GTF2E2: variants seen among roughly 807,000 people sequenced by gnomAD.
GTF2E2 encodes the protein transcription initiation factor IIE subunit beta.
In GTF2E2, 21 loss-of-function variants were observed where a neutral mutation model predicts 40.5. The observed-to-expected ratio is 0.52, with a 90% CI of 0.37 to 0.75. The LOEUF (loss-of-function observed/expected upper bound fraction) is 0.75. Ranked by LOEUF, GTF2E2 falls within the 30% of genes least tolerant of loss-of-function variation. The pLI, the probability that GTF2E2 is intolerant of heterozygous loss-of-function variation, is 0.00. For synonymous variants in GTF2E2, 117 were observed against 121.6 expected (o/e 0.96, Z 0.25); for missense variants, 298 against 338.4 (o/e 0.88, Z 0.94).
chr8:30,656,550 T>C (rs1802454527), intron 1 of GTF2E2, among the ~76,000 whole-genome samples: 1 of 152,200 alleles, frequency 6.6e-6, no homozygotes, highest in African/African-American at 2.4e-5. Context: ...GGCTCACGCC[T>C]GTAATCCCAG....
At chr8:30,592,831 T>C (rs1828889216) in intron 6 of GTF2E2, among the ~76,000 whole-genome samples, 1 of 152,232 alleles carries the variant, frequency 6.6e-6, no homozygotes, top group African/African-American at 2.4e-5. Context: ...CTTTCAATTC[T>C]TTCAAATACA....
At chr8:30,593,228 G>A (rs1828899890) in intron 6 of GTF2E2, among the ~76,000 whole-genome samples, 1 of 152,110 alleles carries the variant, frequency 6.6e-6, no homozygotes, top group African/African-American at 2.4e-5. Flanking sequence ...ACAGTATTCT[G>A]CTGCTGCAGG....
chr8:30,594,863 A>G (rs911674760), intron 6 of GTF2E2, among the ~76,000 whole-genome samples: 2 of 152,024 alleles, frequency 1.3e-5, no homozygotes, highest in African/African-American at 4.8e-5. Flanking sequence ...ATCTCAAAAA[A>G]AAAAAAAAAA....
intron 3 of GTF2E2, among the ~76,000 whole-genome samples, chr8:30,620,261 C>A (rs201085189): frequency 4.2e-5 from 6 of 143,080 alleles, no homozygotes; most frequent in Middle Eastern, 3.8e-3. Flanking sequence ...CACACACAAA[C>A]ACACACACAC....
intron 6 of GTF2E2, among the ~76,000 whole-genome samples, chr8:30,587,871 T>TTA (rs146064074): frequency 2.8e-4 from 29 of 105,036 alleles, no homozygotes; most frequent in Admixed American, 5.7e-4. Context: ...GACTCCGTCT[T>TTA]AAAAAAAAAA....
chr8:30,604,516 C>T (rs1829266724), intron 6 of GTF2E2, among the ~76,000 whole-genome samples: 2 of 152,166 alleles, frequency 1.3e-5, no homozygotes, highest in African/African-American at 4.8e-5. Context: ...ACTCATTAAT[C>T]AGGTACACAC....
intron 2 of GTF2E2, among the ~76,000 whole-genome samples, chr8:30,642,793 CAGA>C (rs949093994): frequency 1.3e-5 from 2 of 152,132 alleles, no homozygotes; most frequent in African/African-American, 4.8e-5. Flanking sequence ...TTAATTTAAC[CAGA>C]AGAATAGCTC....
intron 2 of GTF2E2, chr8:30,645,847 A>G (rs922254147): frequency 2.1e-5 from 8 of 381,718 alleles, no homozygotes; most frequent in Non-Finnish European, 3.7e-5. Flanking sequence ...AAACTGGATA[A>G]AAGATTCCTA....
chr8:30,638,985 T>C (rs1184055618), intron 2 of GTF2E2, among the ~76,000 whole-genome samples: 6 of 152,184 alleles, frequency 3.9e-5, no homozygotes, highest in Admixed American at 3.9e-4. Flanking sequence ...GTTTGGTCTG[T>C]CTTAACAAAG....
At chr8:30,619,533 C>T (rs1477330226) in intron 3 of GTF2E2, among the ~76,000 whole-genome samples, 1 of 151,868 alleles carries the variant, frequency 6.6e-6, no homozygotes, top group African/African-American at 2.4e-5. Context: ...GGACTATACG[C>T]GTGCACCACA....
chr8:30,594,446 T>C (rs1431805587), intron 6 of GTF2E2, among the ~76,000 whole-genome samples: 3 of 147,888 alleles, frequency 2.0e-5, no homozygotes, highest in Admixed American at 6.8e-5. Flanking sequence ...TTAGTAGAGA[T>C]AGGGTTTCAC....
intron 6 of GTF2E2, among the ~76,000 whole-genome samples, chr8:30,589,802 C>A (rs1828790005): frequency 6.6e-6 from 1 of 152,162 alleles, no homozygotes; most frequent in South Asian, 2.1e-4. Flanking sequence ...CTGAAATCTA[C>A]ACTGAGCAAT....
At chr8:30,580,516 T>C in intron 6 of GTF2E2, 120 bp from the exon 7 acceptor site, 1 of 653,234 alleles carries the variant, frequency 1.5e-6, no homozygotes, top group South Asian at 1.8e-5. Context: ...TGATATGTCA[T>C]CATGAAACAA....
chr8:30,634,682 G>A (rs1801533614), intron 3 of GTF2E2, among the ~76,000 whole-genome samples: 1 of 152,144 alleles, frequency 6.6e-6, no homozygotes, highest in Non-Finnish European at 1.5e-5. Context: ...ATCAATGGAA[G>A]TAATAACCTG....
chr8:30,655,091 C>T (rs1451216455), intron 1 of GTF2E2, among the ~76,000 whole-genome samples: 1 of 151,706 alleles, frequency 6.6e-6, no homozygotes, highest in Non-Finnish European at 1.5e-5. Flanking sequence ...GTCCGGGCTA[C>T]TCAGAACGCT....
chr8:30,650,971 G>C (rs1381436768), intron 2 of GTF2E2, among the ~76,000 whole-genome samples: 1 of 142,428 alleles, frequency 7.0e-6, no homozygotes, highest in East Asian at 2.1e-4. Flanking sequence ...CTGAGATTGC[G>C]CCACTGCACT....
chr8:30,646,756 T>A (rs1312779336), intron 2 of GTF2E2, among the ~76,000 whole-genome samples: 1 of 152,074 alleles, frequency 6.6e-6, no homozygotes. Context: ...CCAAGGCGGA[T>A]GGATCACAAG....
intron 6 of GTF2E2, among the ~76,000 whole-genome samples, chr8:30,606,837 T>C (rs935908996): frequency 2.0e-5 from 3 of 152,182 alleles, no homozygotes; most frequent in South Asian, 2.1e-4. Flanking sequence ...TGAACTGCGA[T>C]TGTAAGTATA....
At chr8:30,636,877 A>T in intron 2 of GTF2E2, 1 of 361,276 alleles carries the variant, frequency 2.8e-6, no homozygotes, top group Non-Finnish European at 5.3e-6. Context: ...AAAAAAAAGA[A>T]TGCCTTATAG....
Sources: allele counts gnomAD v4.1 joint callset (sites outside exome capture counted in the v4.1 genomes callset), GRCh38; gene constraint gnomAD v4.1.1; transcripts MANE v1.5; gene names NCBI Gene and HGNC (gene_info 2026-07-23, HGNC 2026-07-21).